The following SLX4 variants were observed in gnomAD, a reference collection of about 807,000 sequenced individuals.
SLX4 encodes structure-specific endonuclease subunit SLX4.
SLX4 carries 112 observed loss-of-function variants against 146.2 expected under a neutral mutation model. The ratio of observed to expected loss-of-function variants is 0.77; its 90% confidence interval spans 0.66 to 0.90. The LOEUF (loss-of-function observed/expected upper bound fraction) is 0.90, where lower values mean the gene tolerates loss of function less well. Ranked by LOEUF, SLX4 falls within the 40% of genes least tolerant of loss-of-function variation. The pLI is 0.00. For missense variants in SLX4, 2,563 were observed against 2,392.7 expected, an observed-to-expected ratio of 1.07 and a Z score of -1.49; for synonymous variants, 1,061 against 997.7, an observed-to-expected ratio of 1.06 and a Z score of -1.20.
At chr16:3,602,499 A>G (rs2040739208) in intron 3 of SLX4, among the ~76,000 whole-genome samples, 192 bp from the exon 4 acceptor site, 1 of 152,208 alleles carries the variant, frequency 6.6e-6, no homozygotes, top group Admixed American at 6.5e-5. Context: ...CACTCCGGGA[A>G]CAGCCGTCTC....
rs1304481679 is a variant in SLX4 at position 3,583,893 on chromosome 16, T to TA, written c.4740-384dup. 2.0e-5 allele frequency among the ~76,000 whole-genome samples: 3 copies of TA among 152,002 alleles called. No individual in the cohort carries two copies. The East Asian group carries it at 5.8e-4, about 30-fold the overall frequency. Reference sequence around the variant, plus strand: ...TGGTGTCACCTGTAGTCCCAGCTACTAGGGAGGATGAGGTAGGATCGCTTA... The same window carrying TA: ...TGGTGTCACCTGTAGTCCCAGCTACTAAGGGAGGATGAGGTAGGATCGCTTA... On this transcript the variant is annotated intron_variant, in intron 13 of 14. Coordinates refer to ENST00000294008, the MANE Select transcript of SLX4 (RefSeq NM_032444.4).
In SLX4 at chr16:3,589,783, C is replaced by T; in HGVS notation, c.3855G>A (p.Gln1285=). The T allele has an allele frequency of 6.2e-7, 1 of 1,613,558 alleles. No homozygotes were observed. The highest frequency in any genetic ancestry group is 2.2e-5 in the East Asian group (1 of 44,880). Residue 1285 remains glutamine (Q), a synonymous_variant, in exon 12 of 15, where the codon CAG becomes CAA. Transcript: ENST00000294008. The surrounding 1 kb of genome is among the most constrained non-coding windows in gnomAD (Gnocchi z 6.2). ...CCCTGGGCGTGTGCTGAGTCACCGC[C>T]TGCACGGCCAGCCCGCTCCTGAGGC... ...ISSLRSGLAV[Q]AVTQHTPRAS... is the part of the protein sequence containing the mutation.
In SLX4 at chr16:3,590,709, A is replaced by G; in HGVS notation, c.2929T>C (p.Ser977Pro). The G allele has an allele frequency of 6.2e-7, 1 of 1,614,104 alleles. No homozygotes were observed. Among genetic ancestry groups the G allele is most frequent in the Non-Finnish European group, 8.5e-7 (1 of 1,180,036 alleles). ...TGTTCGTAATCCCCGGCATCATCTG[A>G]GTGCGGAAGAGAGCCTTCTTTTCTC... ...AERKEGSLPH[S>P]DDAGDYEQLF... Residue 977 changes from serine (S) to proline (P), a missense_variant, in exon 12 of 15, where the codon TCA (serine) becomes CCA (proline). Coordinates refer to ENST00000294008, the MANE Select transcript of SLX4 (RefSeq NM_032444.4). The surrounding 1 kb of genome is among the most constrained non-coding windows in gnomAD (Gnocchi z 4.8).
chr16:3,589,236 G>A lies in SLX4; in HGVS notation c.4402C>T (p.Arg1468Cys), dbSNP rs760497928. The A allele has an allele frequency of 2.4e-5, 38 of 1,609,158 alleles. No individual in the cohort carries two copies. The highest frequency in any genetic ancestry group is 5.5e-5 in the South Asian group (5 of 90,906). ...MNEAADSRDC[R>C]SPGLLDTTPI... Reference sequence around the variant, plus strand: ...GTGGTGTCCAGGAGTCCCGGGGAGCGACAGTCACGGCTGTCGGCGGCCTCG... The same window carrying A: ...GTGGTGTCCAGGAGTCCCGGGGAGCAACAGTCACGGCTGTCGGCGGCCTCG... The change falls in exon 12 of 15, where the codon CGC becomes TGC. Residue 1468 changes from arginine to cysteine, a missense_variant. Arg to Cys is a radical substitution (Grantham distance 180, BLOSUM62 -3). Transcript: ENST00000294008. The surrounding 1 kb of genome is among the most constrained non-coding windows in gnomAD (Gnocchi z 6.2).
chr16:3,584,459 G>A lies in SLX4; in HGVS notation c.4739+310C>T, dbSNP rs550003818. On this transcript the variant is annotated intron_variant, in intron 13 of 14. Coordinates refer to ENST00000294008, the MANE Select transcript of SLX4 (RefSeq NM_032444.4). The stretch of plus-strand genomic sequence containing the variant: ...CAGACCTCCTCACTCAGACTGCTCT[G>A]GCTAGGGGGCCATTTCCATCTACAT... Among the ~76,000 whole-genome samples the A allele has an allele frequency of 3.3e-5, 5 of 152,286 alleles. No homozygotes were observed. In the South Asian group the frequency reaches 6.2e-4, roughly 19 times the overall value.
chr16:3,589,692 G>A lies in SLX4; in HGVS notation c.3946C>T (p.Pro1316Ser), dbSNP rs1567169511. 6.2e-7 allele frequency: 1 copy of A among 1,613,904 alleles called. No homozygotes were observed. The highest frequency in any genetic ancestry group is 8.5e-7 in the Non-Finnish European group (1 of 1,180,022). The change falls in exon 12 of 15, where the codon CCA becomes TCA. Residue 1316 changes from proline to serine, a missense_variant. Physicochemically the swap from Pro to Ser is moderately conservative, Grantham distance 74 (BLOSUM62 -1). Coordinates refer to ENST00000294008, the MANE Select transcript of SLX4 (RefSeq NM_032444.4). The surrounding 1 kb of genome is among the most constrained non-coding windows in gnomAD (Gnocchi z 6.2). ...CATGAGGACGGTGTCTGGGGCGGTG[G>A]TGTCTGGGGCCTGATGACAGAAAAC... Reference protein sequence around the residue: ...QKFSVIRPQTPPPQTPSSCLT... With the variant: ...QKFSVIRPQTSPPQTPSSCLT...
rs750349545 is a variant in SLX4, at chr16:3,590,514, C to G, written c.3124G>C (p.Gly1042Arg). The change falls in exon 12 of 15, where the codon GGC (glycine) becomes CGC (arginine). Residue 1042 changes from glycine to arginine, a missense_variant. Transcript: ENST00000294008. This position sits in a 1 kb window ranked among gnomAD's most constrained non-coding sequence, Gnocchi z 4.8. ...PCRFLLGPPQ[G>R]GSPRGSHHTS... Reference sequence around the variant, plus strand: ...TGATGAGACCCGCGGGGACTCCCGCCCTGGGGAGGCCCCAATAGGAAGCGG... The same window carrying G: ...TGATGAGACCCGCGGGGACTCCCGCGCTGGGGAGGCCCCAATAGGAAGCGG... The G allele has an allele frequency of 4.8e-5, 78 of 1,613,244 alleles. No individual in the cohort carries two copies. The highest frequency in any genetic ancestry group is 6.6e-5 in the Non-Finnish European group (78 of 1,179,430).
chr16:3,598,040 A>T, intron 5 of SLX4, 41 bp from the exon 6 acceptor site: 2 of 1,611,676 alleles, frequency 1.2e-6, no homozygotes, highest in Non-Finnish European at 1.7e-6. Flanking sequence ...GGGCTAGAGG[A>T]GTGCACGCTT....
At position 3,597,027 on chromosome 16, in the gene SLX4, T is replaced by C. The variant is rs1484927598; in HGVS notation, c.1683+352A>G. Among the ~76,000 whole-genome samples the C allele has an allele frequency of 6.6e-6, 1 of 152,134 alleles. No homozygotes were observed. Among genetic ancestry groups the C allele is most frequent in the Non-Finnish European group, 1.5e-5 (1 of 68,014 alleles). On this transcript the variant is annotated intron_variant, in intron 7 of 14. Coordinates refer to ENST00000294008, the MANE Select transcript of SLX4 (RefSeq NM_032444.4). The surrounding 1 kb of genome is among the most constrained non-coding windows in gnomAD (Gnocchi z 4.4). ...TAGTAGAGATGGGGTTTCACCATAT[T>C]AGCCAGGCTGGTCTCGAACTCCTGA...
chr16:3,591,456 C>T, intron 11 of SLX4, 146 bp from the exon 12 acceptor site: 1 of 1,211,996 alleles, frequency 8.3e-7, no homozygotes. Context: ...ACGGTGTCCA[C>T]ACTCCTTGCC....
Position 3,608,611 on chromosome 16 carries a change from A to C in SLX4, c.354T>G (p.Pro118=). The change falls in exon 2 of 15, where the codon CCT becomes CCG. Residue 118 remains proline (P), a synonymous_variant. Coordinates refer to ENST00000294008, the MANE Select transcript of SLX4 (RefSeq NM_032444.4). ...EKKPPSGSQA[P]RTKKQRVTKW... is the part of the protein sequence containing the mutation. ...TGGTTACCCTTTGCTTTTTAGTCCT[A>C]GGGGCCTGGCTGCCAGACGGAGGTT... The C allele has an allele frequency of 1.9e-6, 3 of 1,614,058 alleles. No individual in the cohort carries two copies. Among genetic ancestry groups the C allele is most frequent in the Non-Finnish European group, 2.5e-6 (3 of 1,180,004 alleles).
Position 3,589,952 on chromosome 16 carries a change from A to G in SLX4, c.3686T>C (p.Leu1229Ser). ...CAGCCAGGGAGCCCCTCTCCTGCCCAAAGAGCCCCGATTCTCCGGCAGCGC... is the reference window on the plus strand; with the variant it reads ...CAGCCAGGGAGCCCCTCTCCTGCCCGAAGAGCCCCGATTCTCCGGCAGCGC... ...EGALPENRGS[L>S]GRRGAPWLFC... Residue 1229 changes from leucine (L) to serine (S), a missense_variant, in exon 12 of 15, where the codon TTG (leucine) becomes TCG (serine). By Grantham distance (145) the Leu-to-Ser change is moderately radical. Transcript: ENST00000294008. This position sits in a 1 kb window ranked among gnomAD's most constrained non-coding sequence, Gnocchi z 6.2. 1 of 1,613,644 alleles carries G rather than the reference A, an allele frequency of 6.2e-7. No individual in the cohort carries two copies. Among genetic ancestry groups the G allele is most frequent in the Non-Finnish European group, 8.5e-7 (1 of 1,179,972 alleles).
At chr16:3,593,665 T>C (rs2040617101) in intron 10 of SLX4, among the ~76,000 whole-genome samples, 1 of 152,018 alleles carries the variant, frequency 6.6e-6, no homozygotes, top group Non-Finnish European at 1.5e-5. Flanking sequence ...CCGTTAAGAG[T>C]CCTCCTGATA....
chr16:3,592,901 C>A (rs2040610105), intron 10 of SLX4, 36 bp from the exon 11 acceptor site: 1 of 1,590,010 alleles, frequency 6.3e-7, no homozygotes, highest in South Asian at 1.1e-5. Flanking sequence ...GTTTACTGAT[C>A]AGAGAGTTGT....
In SLX4 at chr16:3,606,601, C is replaced by T; in HGVS notation, c.633G>A (p.Gln211=). 6.2e-7 allele frequency: 1 copy of T among 1,614,224 alleles called. No homozygotes were observed. Among genetic ancestry groups the T allele is most frequent in the African/African-American group, 1.3e-5 (1 of 75,058 alleles). The stretch of plus-strand genomic sequence containing the variant: ...CTGCTCTCTTGAACTGCTGCATTCG[C>T]TGTAGGACCAATTGTGCTGTGCGGG... ...SKPRTAQLVL[Q]RMQQFKRADP... is the part of the protein sequence containing the mutation. Residue 211 remains glutamine (Q), a synonymous_variant, in exon 3 of 15, where the codon CAG becomes CAA. Transcript: ENST00000294008.
rs768145927 is a variant in SLX4, at chr16:3,608,458, C to G, written c.507G>C (p.Ser169=). The G allele has an allele frequency of 1.2e-6, 2 of 1,613,984 alleles. No homozygotes were observed. Among genetic ancestry groups the G allele is most frequent in the Non-Finnish European group, 1.7e-6 (2 of 1,180,036 alleles). ...NTQTGNQQEP[S]PNLSREKTRE... ...TGGTTTTCTCTCTGGAAAGGTTTGG[C>G]GATGGTTCTTGCTGGTTACCCGTCT... The change falls in exon 2 of 15, where the codon TCG becomes TCC. Residue 169 remains serine (S), a synonymous_variant. Transcript: ENST00000294008.
At position 3,596,392 on chromosome 16, in the gene SLX4, C is replaced by T. The variant is rs906536744; in HGVS notation, c.1685G>A (p.Gly562Asp). ...PPLVPQRPAQ[G>D]LMQEPVPPLV... is the part of the protein sequence containing the mutation. Reference sequence around the variant, plus strand: ...AGGCGGCACGGGCTCCTGCATAAGGCCCTGAAAGAAGCCAGTAAGGAGAGT... The same window carrying T: ...AGGCGGCACGGGCTCCTGCATAAGGTCCTGAAAGAAGCCAGTAAGGAGAGT... Residue 562 changes from glycine (G) to aspartate (D), a missense_variant and splice_region_variant, in exon 8 of 15, where the codon GGC becomes GAC. By Grantham distance (94) the Gly-to-Asp change is moderately conservative. Coordinates refer to ENST00000294008, the MANE Select transcript of SLX4 (RefSeq NM_032444.4). 6.3e-7 allele frequency: 1 copy of T among 1,590,748 alleles called. No individual in the cohort carries two copies. Among genetic ancestry groups the T allele is most frequent in the African/African-American group, 1.3e-5 (1 of 74,694 alleles).
rs2151139836 is a variant in SLX4 at position 3,608,843 on chromosome 16, C to T, written c.122G>A (p.Gly41Asp). The T allele has an allele frequency of 6.2e-7, 1 of 1,614,130 alleles. No homozygotes were observed. The highest frequency in any genetic ancestry group is 1.3e-5 in the African/African-American group (1 of 75,026). Reference sequence around the variant, plus strand: ...CTCATCAGACTCATCCATCATCTGACCAGTTTTAAGGCTTTCAGGCTGGTC... The same window carrying T: ...CTCATCAGACTCATCCATCATCTGATCAGTTTTAAGGCTTTCAGGCTGGTC... ...SEDQPESLKT[G>D]QMMDESDEDF... Residue 41 changes from glycine to aspartate, a missense_variant, in exon 2 of 15, where the codon GGT (glycine) becomes GAT (aspartate). Coordinates refer to ENST00000294008, the MANE Select transcript of SLX4 (RefSeq NM_032444.4).
At chr16:3,584,622 C>T (rs1175207855) in intron 13 of SLX4, 147 bp downstream of exon 13, 2 of 742,914 alleles carry the variant, frequency 2.7e-6, no homozygotes, top group South Asian at 2.8e-5. Flanking sequence ...GAGCTGACTG[C>T]AGACCTTTCT....
Sources: gnomAD v4.1 joint callset for allele counts (sites outside exome capture counted in the v4.1 genomes callset) on GRCh38, gnomAD v4.1.1 for gene constraint, Gnocchi (gnomAD v3.1) non-coding constraint, MANE v1.5 for transcripts, NCBI Gene and HGNC (gene_info 2026-07-23, HGNC 2026-07-21) for gene names.